The following FER variants were observed in gnomAD, a reference collection of about 807,000 sequenced individuals.
FER encodes tyrosine-protein kinase Fer.
A neutral mutation model predicts 111.0 loss-of-function variants in FER; 63 were observed. That is an observed-to-expected ratio of 0.57 (90% confidence interval 0.46 to 0.70). The LOEUF (loss-of-function observed/expected upper bound fraction) is 0.70. FER is among the 30% of genes least tolerant of loss of function. The probability of loss-of-function intolerance (pLI) is 0.00; values close to 1 mark genes in which losing one functional copy is unlikely to be tolerated. For synonymous variants in FER, 327 were observed against 313.9 expected (o/e 1.04, Z -0.44); for missense variants, 914 against 954.0 (o/e 0.96, Z 0.55).
chr5:109,112,527 C>G (rs1413051660), intron 17 of FER, among the ~76,000 whole-genome samples: 3 of 152,122 alleles, frequency 2.0e-5, no homozygotes, highest in Non-Finnish European at 4.4e-5. Flanking sequence ...TCAAAGCAGG[C>G]TCTGAGAGAG....
At chr5:109,010,400 G>A (rs1168846592) in intron 13 of FER, among the ~76,000 whole-genome samples, 2 of 151,636 alleles carry the variant, frequency 1.3e-5, no homozygotes, top group African/African-American at 4.9e-5. Flanking sequence ...CTCGTGATCC[G>A]CCCGCCTCGG....
chr5:109,175,274 TC>T (rs1314807827), intron 17 of FER, among the ~76,000 whole-genome samples: 1 of 152,244 alleles, frequency 6.6e-6, no homozygotes, highest in African/African-American at 2.4e-5. Context: ...CTGACTACTT[TC>T]TGTTTAAGTG....
At chr5:109,154,029 C>G (rs956570328) in intron 17 of FER, among the ~76,000 whole-genome samples, 3 of 151,624 alleles carry the variant, frequency 2.0e-5, no homozygotes, top group African/African-American at 7.3e-5. Flanking sequence ...TTAAGGATCT[C>G]TAGGTTTGCA....
intron 13 of FER, among the ~76,000 whole-genome samples, chr5:109,019,094 A>G (rs1454159913): frequency 1.3e-5 from 2 of 151,518 alleles, no homozygotes. Context: ...AGGGGTTTGA[A>G]TGTATCATAG....
chr5:109,088,225 T>C (rs1209071172), intron 16 of FER, among the ~76,000 whole-genome samples: 1 of 152,070 alleles, frequency 6.6e-6, no homozygotes, highest in Non-Finnish European at 1.5e-5. Flanking sequence ...GTTTCTTCTT[T>C]TGTTTTTAAA....
At chr5:108,903,057 T>G (rs559708701) in intron 10 of FER, among the ~76,000 whole-genome samples, 1 of 152,168 alleles carries the variant, frequency 6.6e-6, no homozygotes, top group Non-Finnish European at 1.5e-5. Flanking sequence ...TTATTTAACT[T>G]TATGACAATA....
intron 8 of FER, among the ~76,000 whole-genome samples, chr5:108,872,865 T>C (rs1764729703): frequency 6.6e-6 from 1 of 152,178 alleles, no homozygotes; most frequent in Admixed American, 6.5e-5. Flanking sequence ...CAAGGAAATA[T>C]ATTTATTAAC....
intron 18 of FER, among the ~76,000 whole-genome samples, chr5:109,182,080 A>G (rs548649244): frequency 6.6e-6 from 1 of 152,368 alleles, no homozygotes; most frequent in East Asian, 1.9e-4. Context: ...ATGTATCAGT[A>G]CTTCATTCCT....
At chr5:108,869,515 G>A (rs893645731) in intron 6 of FER, among the ~76,000 whole-genome samples, 1 of 152,036 alleles carries the variant, frequency 6.6e-6, no homozygotes, top group Non-Finnish European at 1.5e-5. Flanking sequence ...TTTAGAGTAG[G>A]CCCTAAATCC....
At chr5:109,151,524 A>T (rs976950316) in intron 17 of FER, among the ~76,000 whole-genome samples, 6 of 152,052 alleles carry the variant, frequency 3.9e-5, no homozygotes, top group Non-Finnish European at 7.4e-5. Flanking sequence ...TGCTAATGGG[A>T]TGTATTTTCT....
At chr5:109,001,049 A>C (rs1012239833) in intron 13 of FER, among the ~76,000 whole-genome samples, 1 of 152,186 alleles carries the variant, frequency 6.6e-6, no homozygotes, top group Non-Finnish European at 1.5e-5. Context: ...GACCAGATGG[A>C]TTCACAGCTG....
chr5:108,962,905 A>G (rs574452675), intron 13 of FER, among the ~76,000 whole-genome samples: 44 of 152,290 alleles, frequency 2.9e-4, no homozygotes, highest in Non-Finnish European at 6.3e-4. Flanking sequence ...ATTTTTCCAG[A>G]TTGTAGAGTC....
chr5:109,121,576 G>A (rs901034705), intron 17 of FER, among the ~76,000 whole-genome samples: 18 of 151,966 alleles, frequency 1.2e-4, no homozygotes, highest in Admixed American at 1.0e-3. Context: ...GTCTTTATCC[G>A]GTTTTAGTAT....
chr5:108,788,443 G>A (rs534518083), intron 2 of FER, among the ~76,000 whole-genome samples: 7 of 152,028 alleles, frequency 4.6e-5, no homozygotes, highest in Admixed American at 1.3e-4. Context: ...TGAGTTCAGC[G>A]GGCACAAGTG....
intron 16 of FER, among the ~76,000 whole-genome samples, chr5:109,050,531 G>GA (rs1422033910): frequency 2.0e-5 from 3 of 151,730 alleles, no homozygotes; most frequent in East Asian, 3.9e-4. Flanking sequence ...TAGCTCAAAA[G>GA]AAAAAAAATG....
chr5:108,831,569 C>G (rs186433846), intron 3 of FER, among the ~76,000 whole-genome samples: 165 of 152,220 alleles, frequency 1.1e-3, no homozygotes, highest in Middle Eastern at 3.4e-3. Context: ...CCATGTTCAT[C>G]ATATCATTTC....
In FER at chr5:108,897,843, T is replaced by C. The variant is rs746717991; in HGVS notation, c.1231T>C (p.Ser411Pro). 1.2e-6 allele frequency: 2 copies of C among 1,608,194 alleles called. No individual in the cohort carries two copies. Among genetic ancestry groups the C allele is most frequent in the East Asian group, 2.2e-5 (1 of 44,722 alleles). The stretch of plus-strand genomic sequence containing the variant: ...TGAAGAAGATGCACGATCAGTTACA[T>C]CTATGGTAAGCTAAAGAATAATCCA... ...NYEEDARSVT[S>P]MERKERLSKF... The change falls in exon 10 of 20, where the codon TCT (serine) becomes CCT (proline). Residue 411 changes from serine to proline, a missense_variant. Around this residue, in one of 3 missense-constraint regions of FER, gnomAD observed 774 missense variants for 782.6 expected, o/e 0.99. Coordinates refer to ENST00000281092, the MANE Select transcript of FER (RefSeq NM_005246.4).
intron 9 of FER, among the ~76,000 whole-genome samples, chr5:108,886,951 G>A (rs1284166538): frequency 1.3e-5 from 2 of 151,588 alleles, no homozygotes; most frequent in Non-Finnish European, 3.0e-5. Flanking sequence ...GCAAATGTTT[G>A]CATTTTAATT....
chr5:108,953,642 T>C (rs1248082542), intron 11 of FER, among the ~76,000 whole-genome samples: 1 of 152,072 alleles, frequency 6.6e-6, no homozygotes, highest in African/African-American at 2.4e-5. Flanking sequence ...TAAAAACCAG[T>C]TTTTACTTAC....
Sources: allele counts gnomAD v4.1 joint callset (sites outside exome capture counted in the v4.1 genomes callset), GRCh38; gene constraint gnomAD v4.1.1; regional missense constraint gnomAD v4.1.1; transcripts MANE v1.5; gene names NCBI Gene and HGNC (gene_info 2026-07-23, HGNC 2026-07-21).